The following PCDH7 variants were observed in gnomAD, a reference collection of about 807,000 sequenced individuals.
The protein encoded by PCDH7 is protocadherin 7.
Under a neutral mutation model 58.9 loss-of-function variants are expected in PCDH7, and 17 were observed. That is an observed-to-expected ratio of 0.29 (90% CI 0.20 to 0.43). The LOEUF (loss-of-function observed/expected upper bound fraction) is 0.43, where lower values mean the gene tolerates loss of function less well. PCDH7 is among the 20% of genes least tolerant of loss of function. PCDH7 has a pLI of 1.00. For synonymous variants in PCDH7, 664 were observed against 616.4 expected (o/e 1.08, Z -1.14); for missense variants, 1,274 against 1,441.0 (o/e 0.88, Z 1.88).
intron 3 of PCDH7, among the ~76,000 whole-genome samples, chr4:30,998,648 G>A (rs965464467): frequency 2.0e-5 from 3 of 152,072 alleles, no homozygotes; most frequent in Admixed American, 6.6e-5. Flanking sequence ...AAGTCCTCAC[G>A]TGAATCTGAG....
chr4:30,797,119 C>A (rs1724885172), intron 1 of PCDH7, among the ~76,000 whole-genome samples: 1 of 151,922 alleles, frequency 6.6e-6, no homozygotes, highest in Admixed American at 6.6e-5. Flanking sequence ...TGCCACCACG[C>A]CCGGCTAATT....
At chr4:30,954,730 G>A (rs1747680065) in intron 3 of PCDH7, among the ~76,000 whole-genome samples, 1 of 152,064 alleles carries the variant, frequency 6.6e-6, no homozygotes, top group Non-Finnish European at 1.5e-5. Flanking sequence ...CATTAAAATG[G>A]GGGATTTGGA....
chr4:31,071,805 GA>G (rs1758562781), intron 3 of PCDH7, among the ~76,000 whole-genome samples: 1 of 152,004 alleles, frequency 6.6e-6, no homozygotes, highest in African/African-American at 2.4e-5. Context: ...ATACAGCATT[GA>G]GAAAGCTTTT....
chr4:30,891,624 T>C lies in PCDH7; in HGVS notation c.71-28529T>C, dbSNP rs371510623. On this transcript the variant is annotated intron_variant, in intron 1 of 3. Coordinates refer to the PCDH7 transcript ENST00000509759. ...CTGATCCAAATCCACTATTTTTCTCTTTTAGCTGAATTAAAGAATGGCAGC... is the reference window on the plus strand; with the variant it reads ...CTGATCCAAATCCACTATTTTTCTCCTTTAGCTGAATTAAAGAATGGCAGC... Among the ~76,000 whole-genome samples, 150 of 152,142 alleles carry C rather than the reference T, an allele frequency of 9.9e-4. 1 individual carries two copies. Among genetic ancestry groups the C allele is most frequent in the African/African-American group, 3.5e-3 (145 of 41,556 alleles).
intron 1 of PCDH7, among the ~76,000 whole-genome samples, chr4:30,888,539 C>A (rs1051888400): frequency 6.6e-6 from 1 of 152,036 alleles, no homozygotes; most frequent in African/African-American, 2.4e-5. Flanking sequence ...AAAAACAGAA[C>A]AAATTATTTT....
intron 3 of PCDH7, among the ~76,000 whole-genome samples, chr4:31,107,527 A>G (rs932374870): frequency 3.3e-5 from 5 of 152,194 alleles, no homozygotes; most frequent in Non-Finnish European, 4.4e-5. Context: ...TTTTCTTCTG[A>G]GACAGAAACA....
chr4:30,822,821 G>C (rs1436766897), intron 1 of PCDH7, among the ~76,000 whole-genome samples: 1 of 152,080 alleles, frequency 6.6e-6, no homozygotes, highest in Non-Finnish European at 1.5e-5. Context: ...TTGACTTTCA[G>C]TTTACTAGTG....
At chr4:30,905,911 A>G (rs1179850943) in intron 1 of PCDH7, among the ~76,000 whole-genome samples, 1 of 152,196 alleles carries the variant, frequency 6.6e-6, no homozygotes, top group African/African-American at 2.4e-5. Context: ...GTAGGAATTC[A>G]ATATTTTTAT....
chr4:30,962,106 T>C (rs1029291799), intron 3 of PCDH7, among the ~76,000 whole-genome samples: 9 of 152,210 alleles, frequency 5.9e-5, no homozygotes, highest in African/African-American at 1.7e-4. Context: ...CAAAAGTGCA[T>C]TTATTTATGA....
At chr4:30,728,978 C>A (rs1363991210) in intron 1 of PCDH7, among the ~76,000 whole-genome samples, 1 of 151,510 alleles carries the variant, frequency 6.6e-6, no homozygotes, top group East Asian at 1.9e-4. Flanking sequence ...TAAACATACA[C>A]AATGTTGAAA....
chr4:30,918,068 A>C (rs143299489), intron 1 of PCDH7, among the ~76,000 whole-genome samples: 283 of 152,308 alleles, frequency 1.9e-3, no homozygotes, highest in African/African-American at 6.4e-3. Flanking sequence ...ATTAAAATAG[A>C]ATTAAGAACA....
At chr4:30,983,971 C>T (rs1750770487) in intron 3 of PCDH7, among the ~76,000 whole-genome samples, 1 of 152,162 alleles carries the variant, frequency 6.6e-6, no homozygotes, top group Non-Finnish European at 1.5e-5. Context: ...GCATTCCACA[C>T]TTCTCTGTAG....
At chr4:31,075,029 T>C (rs375854049) in intron 3 of PCDH7, among the ~76,000 whole-genome samples, 2 of 152,058 alleles carry the variant, frequency 1.3e-5, no homozygotes, top group African/African-American at 4.8e-5. Flanking sequence ...AAAGGGAGCC[T>C]GCAAAAAAGA....
chr4:31,056,757 G>A (rs1757292695), intron 3 of PCDH7, among the ~76,000 whole-genome samples: 1 of 117,882 alleles, frequency 8.5e-6, no homozygotes, highest in African/African-American at 3.7e-5. Flanking sequence ...AAAAGAAAGA[G>A]AGCCCAATGA....
intron 2 of PCDH7, among the ~76,000 whole-genome samples, chr4:30,934,442 C>A (rs1450647788): frequency 2.6e-5 from 4 of 152,064 alleles, no homozygotes; most frequent in Admixed American, 2.6e-4. Context: ...TACATTATTA[C>A]TCTTCTTTAC....
At chr4:30,986,916 G>A (rs983068702) in intron 3 of PCDH7, among the ~76,000 whole-genome samples, 1 of 151,950 alleles carries the variant, frequency 6.6e-6, no homozygotes, top group Non-Finnish European at 1.5e-5. Flanking sequence ...GGGAGGCGGA[G>A]GTTGCAGTGA....
chr4:31,024,394 G>C (rs28706595), intron 3 of PCDH7, among the ~76,000 whole-genome samples: 12,885 of 152,102 alleles, frequency 0.085, 979 homozygotes, highest in African/African-American at 0.2. Context: ...TCCTGGTTCA[G>C]TGCCAGAAAT....
At chr4:30,987,016 G>A (rs1201650556) in intron 3 of PCDH7, among the ~76,000 whole-genome samples, 1 of 152,024 alleles carries the variant, frequency 6.6e-6, no homozygotes, top group Admixed American at 6.6e-5. Context: ...TTATCTTTGG[G>A]CATAACATTC....
At chr4:30,740,915 C>T (rs569696874) in intron 1 of PCDH7, among the ~76,000 whole-genome samples, 161 of 151,476 alleles carry the variant, frequency 1.1e-3, no homozygotes, top group African/African-American at 3.8e-3. Flanking sequence ...CATTTTTAAT[C>T]AGCTAAAGTG....
Sources: allele counts gnomAD v4.1 joint callset (sites outside exome capture counted in the v4.1 genomes callset), GRCh38; gene constraint gnomAD v4.1.1; transcripts MANE v1.5; gene names NCBI Gene and HGNC (gene_info 2026-07-23, HGNC 2026-07-21).